ARHGEF12: variants seen among roughly 807,000 people sequenced by gnomAD.
ARHGEF12 encodes the protein Rho guanine nucleotide exchange factor 12.
Under a neutral mutation model 211.2 loss-of-function variants are expected in ARHGEF12, and 66 were observed. That is an observed-to-expected ratio of 0.31 (90% CI 0.26 to 0.38). The LOEUF is 0.38. Ranked by LOEUF, ARHGEF12 falls within the 10% of genes least tolerant of loss-of-function variation. The pLI is 1.00. For synonymous variants in ARHGEF12, 592 were observed against 638.4 expected (o/e 0.93, Z 1.09); for missense variants, 1,429 against 1,869.5 (o/e 0.76, Z 4.34).
At chr11:120,407,131 T>C (rs896486907) in intron 2 of ARHGEF12, among the ~76,000 whole-genome samples, 1 of 152,216 alleles carries the variant, frequency 6.6e-6, no homozygotes, top group African/African-American at 2.4e-5. Context: ...TATGTGTATG[T>C]GTACATATGT....
At chr11:120,430,126 T>G (rs563452080) in intron 10 of ARHGEF12, among the ~76,000 whole-genome samples, 10 of 151,914 alleles carry the variant, frequency 6.6e-5, no homozygotes, top group African/African-American at 1.9e-4. Flanking sequence ...ATATATATAT[T>G]TATATTTTTT....
rs1290563600 is a variant in ARHGEF12, at chr11:120,488,278, A to T, written c.*3201A>T. ...AAGCTTTCTTCTCTGAAGTCGATATATGGTTTTGAATTACTAGAGCTTTGG... is the reference window on the plus strand; with the variant it reads ...AAGCTTTCTTCTCTGAAGTCGATATTTGGTTTTGAATTACTAGAGCTTTGG... On this transcript the variant is annotated 3_prime_UTR_variant, in exon 41 of 41. Transcript: ENST00000397843. 4.6e-6 allele frequency: 1 copy of T among 215,160 alleles called. No individual in the cohort carries two copies. The highest frequency in any genetic ancestry group is 9.4e-6 in the Non-Finnish European group (1 of 106,696). The allele number at this position is 215,160 out of a possible 1,614,324, so 13.3% of individuals were successfully genotyped here. A position where few individuals can be genotyped will look rare whatever the true frequency, so the allele number is the denominator to read the frequency against.
rs534335351 is a variant in ARHGEF12 at position 120,431,028 on chromosome 11, A to G, written c.784-743A>G. ...AACCTGGCCAGGCGCAGTGGCTCAC[A>G]CCTGTAATCCCAGCACTTTGGGAGG... On this transcript the variant is annotated intron_variant, in intron 10 of 40. Transcript: ENST00000397843. 1.4e-4 allele frequency among the ~76,000 whole-genome samples: 21 copies of G among 152,156 alleles called. No homozygotes were observed. The South Asian group carries it at 4.4e-3, about 32-fold the overall frequency.
At chr11:120,457,426 T>A (rs958813072) in intron 23 of ARHGEF12, 176 bp downstream of exon 23, 1 of 674,410 alleles carries the variant, frequency 1.5e-6, no homozygotes, top group African/African-American at 1.9e-5. Flanking sequence ...CTCAGGAGTT[T>A]GAGACCAGCC....
chr11:120,356,396 T>A (rs924961732), intron 1 of ARHGEF12, among the ~76,000 whole-genome samples: 2 of 152,146 alleles, frequency 1.3e-5, no homozygotes, highest in South Asian at 2.1e-4. Flanking sequence ...AATTTTTTTT[T>A]AAGTAGAGAT....
chr11:120,472,136 C>T (rs1044157934), intron 30 of ARHGEF12, among the ~76,000 whole-genome samples: 11 of 152,096 alleles, frequency 7.2e-5, no homozygotes, highest in Admixed American at 7.2e-4. Flanking sequence ...CACACACACA[C>T]ACGTGGGGGA....
chr11:120,363,868 A>G (rs1437510420), intron 1 of ARHGEF12, among the ~76,000 whole-genome samples: 4 of 152,200 alleles, frequency 2.6e-5, no homozygotes, highest in Non-Finnish European at 4.4e-5. Flanking sequence ...ATGGAGAAAT[A>G]TCATGCAACT....
intron 22 of ARHGEF12, among the ~76,000 whole-genome samples, chr11:120,455,331 G>A (rs1946330918): frequency 6.6e-6 from 1 of 152,100 alleles, no homozygotes; most frequent in Admixed American, 6.5e-5. Context: ...TGAAACTGTA[G>A]TGCACCAGGG....
At chr11:120,421,683 G>A (rs559069049) in intron 5 of ARHGEF12, 120 bp from the exon 6 acceptor site, 24 of 832,410 alleles carry the variant, frequency 2.9e-5, no homozygotes, top group South Asian at 7.7e-5. Context: ...TGATCCGCCC[G>A]CCTCGGCCTC....
intron 28 of ARHGEF12, among the ~76,000 whole-genome samples, chr11:120,466,375 G>C (rs2135934334): frequency 6.6e-6 from 1 of 152,318 alleles, no homozygotes; most frequent in Admixed American, 6.5e-5. Flanking sequence ...GCAGTTTAGA[G>C]GTGGATGTTT....
chr11:120,483,633 G>T (rs1408281215), intron 39 of ARHGEF12, among the ~76,000 whole-genome samples: 3 of 147,202 alleles, frequency 2.0e-5, no homozygotes, highest in Non-Finnish European at 3.0e-5. Context: ...TATATTTTTT[G>T]AGACAGAGTC....
intron 13 of ARHGEF12, 112 bp from the exon 14 acceptor site, chr11:120,441,595 T>G: frequency 2.7e-6 from 2 of 742,438 alleles, no homozygotes; most frequent in Non-Finnish European, 4.2e-6. Context: ...AAATCTTGAA[T>G]TTTTTATAGG....
chr11:120,425,039 C>T (rs1945297446), intron 7 of ARHGEF12, among the ~76,000 whole-genome samples: 1 of 152,142 alleles, frequency 6.6e-6, no homozygotes, highest in South Asian at 2.1e-4. Context: ...AGGCTTGAAG[C>T]AGTGGGAGTC....
chr11:120,422,145 A>T (rs923152302), intron 6 of ARHGEF12, among the ~76,000 whole-genome samples: 1 of 152,218 alleles, frequency 6.6e-6, no homozygotes, highest in South Asian at 2.1e-4. Context: ...AGCAATTCTC[A>T]TCAAAGTACA....
At chr11:120,384,558 GC>G (rs1943972536) in intron 1 of ARHGEF12, among the ~76,000 whole-genome samples, 1 of 152,168 alleles carries the variant, frequency 6.6e-6, no homozygotes, top group Non-Finnish European at 1.5e-5. Flanking sequence ...AAATTACATG[GC>G]TTCTAGGGAT....
chr11:120,456,023 A>T (rs1344200755), intron 22 of ARHGEF12, among the ~76,000 whole-genome samples: 1 of 152,172 alleles, frequency 6.6e-6, no homozygotes, highest in Non-Finnish European at 1.5e-5. Flanking sequence ...GGTAGGAAAA[A>T]ATATATAATC....
intron 1 of ARHGEF12, 73 bp downstream of exon 1, chr11:120,337,348 G>T: frequency 6.2e-7 from 1 of 1,608,312 alleles, no homozygotes; most frequent in Non-Finnish European, 8.5e-7. Flanking sequence ...GGTGATTGCA[G>T]ATTGCCTTTG....
Position 120,447,888 on chromosome 11 carries a change from C to A in ARHGEF12, c.1604C>A (p.Ala535Asp). The A allele has an allele frequency of 6.4e-7, 1 of 1,567,158 alleles. No homozygotes were observed. Among genetic ancestry groups the A allele is most frequent in the Non-Finnish European group, 8.6e-7 (1 of 1,161,876 alleles). Reference sequence around the variant, plus strand: ...TTTTTTTTAAGGATGACTGCTCAGGCTGTAGAGGAAGATAAGAGGTAACAT... The same window carrying A: ...TTTTTTTTAAGGATGACTGCTCAGGATGTAGAGGAAGATAAGAGGTAACAT... ...KIEEVLMTAQAVEEDKSSTMQ... is the reference protein window; with the variant it reads ...KIEEVLMTAQDVEEDKSSTMQ... The change falls in exon 19 of 41, where the codon GCT becomes GAT. Residue 535 changes from alanine to aspartate, a missense_variant. Transcript: ENST00000397843.
intron 1 of ARHGEF12, among the ~76,000 whole-genome samples, chr11:120,354,642 T>C (rs937216688): frequency 6.6e-6 from 1 of 152,200 alleles, no homozygotes; most frequent in African/African-American, 2.4e-5. Context: ...TCTTTCTTTG[T>C]TTTAGTAACC....
Sources: allele counts gnomAD v4.1 joint callset (sites outside exome capture counted in the v4.1 genomes callset), GRCh38; gene constraint gnomAD v4.1.1; transcripts MANE v1.5; gene names NCBI Gene and HGNC (gene_info 2026-07-23, HGNC 2026-07-21).